Variants in UNC5D observed in about 807,000 individuals in gnomAD.
The protein encoded by UNC5D is netrin receptor UNC5D.
UNC5D carries 39 observed loss-of-function variants against 105.4 expected under a neutral mutation model. The observed-to-expected ratio is 0.37, with a 90% CI of 0.29 to 0.48. The LOEUF is 0.48. UNC5D is among the 20% of genes least tolerant of loss of function. The pLI, the probability that UNC5D is intolerant of heterozygous loss-of-function variation, is 0.98. For synonymous variants in UNC5D, 452 were observed against 450.4 expected (o/e 1.00, Z -0.04); for missense variants, 991 against 1,202.4 (o/e 0.82, Z 2.60).
intron 7 of UNC5D, among the ~76,000 whole-genome samples, chr8:35,696,110 A>G (rs1344902697): frequency 2.0e-5 from 3 of 152,112 alleles, no homozygotes; most frequent in African/African-American, 7.2e-5. Context: ...ATCCAACAAC[A>G]TATGCATTAC....
rs543537764 is a variant in UNC5D, at chr8:35,743,518, TC to T, written c.1767-5002del. 4.0e-5 allele frequency among the ~76,000 whole-genome samples: 6 copies of T among 150,544 alleles called. 1 individual carries two copies. In the South Asian group the frequency reaches 8.5e-4, roughly 21 times the overall value. ...GTCTTGAACTCCTGACCTCGAGTGA[TC>T]CCCCCCACCTCAGCCTCCCAAAGTG... On this transcript the variant is annotated intron_variant, in intron 11 of 16. Coordinates refer to ENST00000404895, the MANE Select transcript of UNC5D (RefSeq NM_080872.4).
chr8:35,438,786 G>A (rs1284421993), intron 1 of UNC5D, among the ~76,000 whole-genome samples: 4 of 152,126 alleles, frequency 2.6e-5, no homozygotes, highest in East Asian at 3.9e-4. Context: ...AGCAGAGACC[G>A]AGAGCTAAAG....
intron 4 of UNC5D, among the ~76,000 whole-genome samples, chr8:35,645,800 G>T (rs1823009907): frequency 6.6e-6 from 1 of 152,010 alleles, no homozygotes; most frequent in African/African-American, 2.4e-5. Context: ...ACACTTGCTG[G>T]TCAAGGTCCA....
At chr8:35,587,959 TATA>T (rs1300466684) in intron 3 of UNC5D, among the ~76,000 whole-genome samples, 4 of 76,174 alleles carry the variant, frequency 5.3e-5, no homozygotes, top group Non-Finnish European at 1.0e-4. Context: ...TTCCTATAAC[TATA>T]ATAATATATA....
intron 1 of UNC5D, among the ~76,000 whole-genome samples, chr8:35,239,495 C>CTTT (rs5890797): frequency 8.8e-5 from 13 of 147,026 alleles, no homozygotes; most frequent in African/African-American, 3.0e-4. Context: ...TTCCCTTCTG[C>CTTT]TTTTTTTTTT....
At chr8:35,589,978 G>A (rs543491755) in intron 3 of UNC5D, among the ~76,000 whole-genome samples, 53 of 152,170 alleles carry the variant, frequency 3.5e-4, no homozygotes, top group African/African-American at 1.2e-3. Context: ...CTAACCTTGG[G>A]CATTATTACT....
chr8:35,614,985 G>A (rs1201269906), intron 4 of UNC5D, among the ~76,000 whole-genome samples: 2 of 147,314 alleles, frequency 1.4e-5, no homozygotes, highest in African/African-American at 4.9e-5. Flanking sequence ...CAAAGCAAGA[G>A]AATCGCTTGA....
intron 1 of UNC5D, among the ~76,000 whole-genome samples, chr8:35,387,654 G>A (rs1457778639): frequency 6.6e-6 from 1 of 152,152 alleles, no homozygotes; most frequent in East Asian, 1.9e-4. Flanking sequence ...GCCACTTGAT[G>A]GCTGTGCAAC....
intron 11 of UNC5D, among the ~76,000 whole-genome samples, chr8:35,744,906 A>C (rs1381898755): frequency 1.3e-5 from 2 of 152,126 alleles, no homozygotes; most frequent in African/African-American, 4.8e-5. Context: ...TACAAAAATT[A>C]GCCGGGCATG....
chr8:35,637,810 AG>A (rs1822476210), intron 4 of UNC5D, among the ~76,000 whole-genome samples: 1 of 152,202 alleles, frequency 6.6e-6, no homozygotes, highest in African/African-American at 2.4e-5. Context: ...CATGATAATG[AG>A]GATGCTTTCA....
intron 1 of UNC5D, among the ~76,000 whole-genome samples, chr8:35,532,015 GT>G (rs1460456468): frequency 7.2e-6 from 1 of 139,374 alleles, no homozygotes; most frequent in African/African-American, 2.7e-5. Flanking sequence ...GCCAGTCTGT[GT>G]CTTTTAATTG....
intron 1 of UNC5D, among the ~76,000 whole-genome samples, chr8:35,383,950 C>T (rs1032559747): frequency 1.2e-4 from 18 of 151,726 alleles, no homozygotes; most frequent in African/African-American, 4.4e-4. Context: ...GGCGCGGTGG[C>T]TCACGCCTGT....
intron 1 of UNC5D, among the ~76,000 whole-genome samples, chr8:35,331,550 C>T (rs1810632275): frequency 6.6e-6 from 1 of 152,088 alleles, no homozygotes; most frequent in African/African-American, 2.4e-5. Context: ...TAGTGGTTAG[C>T]CAGTGAGAAA....
At chr8:35,633,476 G>A (rs934761371) in intron 4 of UNC5D, among the ~76,000 whole-genome samples, 20 of 151,750 alleles carry the variant, frequency 1.3e-4, no homozygotes, top group African/African-American at 3.6e-4. Context: ...TACAGGGCAC[G>A]GTGGCTCACA....
At chr8:35,578,859 A>G (rs1310377387) in intron 3 of UNC5D, among the ~76,000 whole-genome samples, 1 of 152,228 alleles carries the variant, frequency 6.6e-6, no homozygotes, top group East Asian at 1.9e-4. Context: ...CTTACTGTGG[A>G]TGGTGAAAAA....
intron 1 of UNC5D, among the ~76,000 whole-genome samples, chr8:35,279,434 T>C (rs1805996013): frequency 6.6e-6 from 1 of 152,218 alleles, no homozygotes; most frequent in African/African-American, 2.4e-5. Flanking sequence ...CCAGAGAATG[T>C]AAAAATAATA....
In UNC5D at chr8:35,595,601, A is replaced by G. The variant is rs1486661910; in HGVS notation, c.514A>G (p.Ile172Val). 4 of 1,614,086 alleles carry G rather than the reference A, an allele frequency of 2.5e-6. No individual in the cohort carries two copies. Among genetic ancestry groups the G allele is most frequent in the Non-Finnish European group, 1.7e-6 (2 of 1,179,988 alleles). The change falls in exon 4 of 17, where the codon ATT (isoleucine) becomes GTT (valine). Residue 172 changes from isoleucine (I) to valine (V), a missense_variant. By Grantham distance (29) the Ile-to-Val change is conservative (BLOSUM62 3). Coordinates refer to ENST00000404895, the MANE Select transcript of UNC5D (RefSeq NM_080872.4). ...AGACCCACAAGGAAGGGAAGTTCCC[A>G]TTGAAGGCATGATTGTACTGCACTG... Reference protein sequence around the residue: ...EQDPQGREVPIEGMIVLHCRP... With the variant: ...EQDPQGREVPVEGMIVLHCRP...
chr8:35,546,509 C>T (rs956879092), intron 1 of UNC5D, among the ~76,000 whole-genome samples: 8 of 152,236 alleles, frequency 5.3e-5, no homozygotes, highest in South Asian at 2.1e-4. Context: ...CATGTCTGTA[C>T]GTGTCTGCTA....
chr8:35,347,760 T>G (rs1301800505), intron 1 of UNC5D, among the ~76,000 whole-genome samples: 1 of 151,994 alleles, frequency 6.6e-6, no homozygotes, highest in African/African-American at 2.4e-5. Context: ...CATGAGTGTA[T>G]TCCTCATTTG....
Sources: gnomAD v4.1 joint callset for allele counts (sites outside exome capture counted in the v4.1 genomes callset) on GRCh38, gnomAD v4.1.1 for gene constraint, MANE v1.5 for transcripts, NCBI Gene and HGNC (gene_info 2026-07-23, HGNC 2026-07-21) for gene names.